The following LAMB4 variants were observed in gnomAD, a reference collection of about 807,000 sequenced individuals.
LAMB4 encodes the protein laminin subunit beta-4.
In LAMB4, 196 loss-of-function variants were observed where a neutral mutation model predicts 199.2. The observed-to-expected ratio is 0.98, with a 90% confidence interval of 0.88 to 1.11. LAMB4 has a LOEUF of 1.11. Among genes scored for constraint, LAMB4 ranks in the 50% least tolerant of loss-of-function variants. The pLI is 0.00. For missense variants in LAMB4, 2,080 were observed against 2,171.2 expected (o/e 0.96, Z 0.83); for synonymous variants, 744 against 770.6 (o/e 0.97, Z 0.57).
At chr7:108,096,814 G>A (rs148867135) in intron 11 of LAMB4, among the ~76,000 whole-genome samples, 128 of 150,010 alleles carry the variant, frequency 8.5e-4, no homozygotes, top group African/African-American at 2.8e-3. Flanking sequence ...GCACATGCTT[G>A]TAGTTCTAGC....
intron 23 of LAMB4, among the ~76,000 whole-genome samples, chr7:108,062,188 T>C (rs1331124751): frequency 6.6e-6 from 1 of 152,214 alleles, no homozygotes; most frequent in Non-Finnish European, 1.5e-5. Context: ...TGCCCACTGG[T>C]TTATTGACTG....
chr7:108,110,672 C>T (rs2038191763), intron 4 of LAMB4, among the ~76,000 whole-genome samples: 1 of 152,146 alleles, frequency 6.6e-6, no homozygotes, highest in Non-Finnish European at 1.5e-5. Flanking sequence ...GACAGAGTGA[C>T]ATTCCCTTTG....
At chr7:108,020,506 G>T (rs1246266515), downstream of LAMB4, among the ~76,000 whole-genome samples, 3 of 149,866 alleles carry the variant, frequency 2.0e-5, no homozygotes, top group Admixed American at 6.6e-5. Flanking sequence ...GAAAAAGTAT[G>T]CATGTTGTTG....
chr7:108,075,166 A>G (rs1039537412), intron 17 of LAMB4, among the ~76,000 whole-genome samples: 1 of 152,138 alleles, frequency 6.6e-6, no homozygotes, highest in Non-Finnish European at 1.5e-5. Flanking sequence ...GTTCTATTTA[A>G]AGTTCCTCAG....
chr7:108,012,766 C>T, the LAMB4 span, among the ~76,000 whole-genome samples: 6 of 152,172 alleles, frequency 3.9e-5, no homozygotes, highest in African/African-American at 1.4e-4. Context: ...TCTCTTTTGT[C>T]TCCACATTCT....
chr7:108,092,422 G>A lies in LAMB4; in HGVS notation c.1471-6C>T, dbSNP rs1256821442. ...CCCAGGCCCCAGTATCCAACCTACA[G>A]AGAAAAAATGCTCAGCTGATTCCAG... On this transcript the variant is annotated splice_polypyrimidine_tract_variant and splice_region_variant and intron_variant, in intron 12 of 33. Coordinates refer to ENST00000388781, the MANE Select transcript of LAMB4 (RefSeq NM_007356.3). The A allele has an allele frequency of 4.3e-6, 7 of 1,611,032 alleles. No homozygotes were observed. The highest frequency in any genetic ancestry group is 5.9e-6 in the Non-Finnish European group (7 of 1,177,254).
chr7:108,092,268 A>G (rs1338535732), intron 13 of LAMB4, 69 bp downstream of exon 13: 12 of 1,184,288 alleles, frequency 1.0e-5, no homozygotes, highest in Non-Finnish European at 1.5e-5. Context: ...TATGACTATG[A>G]GCGTATCAGA....
Position 108,063,667 on chromosome 7 carries a change from T to A in LAMB4, c.3061+94A>T, listed in dbSNP as rs73725315. The A allele has an allele frequency of 8.1e-3, 8,961 of 1,110,438 alleles. 496 individuals are homozygous for A. In the African/African-American group the frequency reaches 0.12, roughly 15 times the overall value. 68.8% of individuals were successfully genotyped at this position (1,110,438 alleles called of 1,614,324 possible). On this transcript the variant is annotated intron_variant, in intron 22 of 33. Coordinates refer to ENST00000388781, the MANE Select transcript of LAMB4 (RefSeq NM_007356.3). ...GGGTGCTGCTTTTGCCTGCTGGGAC[T>A]GGCCTAACTGAAATGATCATGGGAG...
In LAMB4 at chr7:108,050,903, C is replaced by T. The variant is rs955895632; in HGVS notation, c.3916+1194G>A. ...GTTTTTGAAGCAGCTTGAAGATGCT[C>T]TAACAGTCTTAATGCTGTTTGCAGT... On this transcript the variant is annotated intron_variant, in intron 26 of 33. Transcript: ENST00000388781. Among the ~76,000 whole-genome samples the T allele has an allele frequency of 2.0e-5, 3 of 152,176 alleles. No homozygotes were observed. In the South Asian group the frequency reaches 6.2e-4, roughly 32 times the overall value.
intron 10 of LAMB4, among the ~76,000 whole-genome samples, chr7:108,102,604 A>G (rs755294332): frequency 5.9e-5 from 9 of 152,188 alleles, no homozygotes; most frequent in Non-Finnish European, 1.3e-4. Flanking sequence ...TATTTTGTAC[A>G]TGCTTGAAAT....
intron 24 of LAMB4, 88 bp from the exon 25 acceptor site, chr7:108,056,095 A>C: frequency 8.0e-7 from 1 of 1,251,772 alleles, no homozygotes; most frequent in Non-Finnish European, 1.1e-6. Context: ...CTCTCTCCTG[A>C]AAATCTTCCC....
At chr7:108,125,935 C>T (rs1304739933) in intron 1 of LAMB4, among the ~76,000 whole-genome samples, 2 of 152,200 alleles carry the variant, frequency 1.3e-5, no homozygotes, top group Non-Finnish European at 2.9e-5. Context: ...ACAAAGACTA[C>T]TGGACTTCCC....
chr7:108,068,858 T>C (rs973771304), intron 18 of LAMB4, among the ~76,000 whole-genome samples: 2 of 151,962 alleles, frequency 1.3e-5, no homozygotes, highest in Non-Finnish European at 2.9e-5. Flanking sequence ...CACACCTGGC[T>C]AATTTTTAGT....
intron 10 of LAMB4, among the ~76,000 whole-genome samples, chr7:108,102,410 TA>T (rs964052112): frequency 2.0e-5 from 3 of 152,076 alleles, no homozygotes; most frequent in African/African-American, 7.2e-5. Flanking sequence ...AAAATCATGA[TA>T]ATGCAAAATA....
At chr7:108,073,084 AG>A (rs1455367277) in intron 17 of LAMB4, among the ~76,000 whole-genome samples, 6 of 152,300 alleles carry the variant, frequency 3.9e-5, no homozygotes, top group East Asian at 1.9e-4. Context: ...CAGCTCACTG[AG>A]ACCTCTGCCT....
chr7:108,117,748 G>A (rs114581342), intron 2 of LAMB4, among the ~76,000 whole-genome samples: 6 of 152,274 alleles, frequency 3.9e-5, no homozygotes, highest in East Asian at 1.9e-4. Context: ...GTTATTTCTC[G>A]ATGATATTCT....
At chr7:108,038,798 T>A (rs181426036) in intron 29 of LAMB4, among the ~76,000 whole-genome samples, 98 of 152,346 alleles carry the variant, frequency 6.4e-4, no homozygotes, top group African/African-American at 2.3e-3. Flanking sequence ...CAAAGCCATT[T>A]GTCACTCTCC....
intron 32 of LAMB4, 35 bp from the exon 33 acceptor site, chr7:108,029,231 T>C: frequency 6.3e-7 from 1 of 1,592,642 alleles, no homozygotes; most frequent in Non-Finnish European, 8.6e-7. Context: ...TGAGAAAATA[T>C]GTATAAAGCA....
chr7:108,106,141 G>A (rs73197619), intron 7 of LAMB4, 110 bp from the exon 8 acceptor site: 26,684 of 877,982 alleles, frequency 0.03, 1,152 homozygotes, highest in East Asian at 0.18. Context: ...TTACAGGCCC[G>A]GTGTAGTGGC....
Sources: allele counts gnomAD v4.1 joint callset (sites outside exome capture counted in the v4.1 genomes callset), GRCh38; gene constraint gnomAD v4.1.1; transcripts MANE v1.5; gene names NCBI Gene and HGNC (gene_info 2026-07-23, HGNC 2026-07-21).